NCOA1: variants seen among roughly 807,000 people sequenced by gnomAD.
The protein encoded by NCOA1 is Hin-2 protein.
A neutral mutation model predicts 150.9 loss-of-function variants in NCOA1; 35 were observed. The ratio of observed to expected loss-of-function variants is 0.23; its 90% CI spans 0.18 to 0.31. The LOEUF (loss-of-function observed/expected upper bound fraction) is 0.31. Ranked by LOEUF, NCOA1 falls within the 10% of genes least tolerant of loss-of-function variation. NCOA1 has a pLI of 1.00. For missense variants in NCOA1, 1,491 were observed against 1,749.3 expected (o/e 0.85, Z 2.63); for synonymous variants, 590 against 630.0 (o/e 0.94, Z 0.95).
At chr2:24,733,132 G>A (rs572445990) in intron 17 of NCOA1, among the ~76,000 whole-genome samples, 12 of 152,202 alleles carry the variant, frequency 7.9e-5, no homozygotes, top group East Asian at 1.9e-4. Flanking sequence ...AAATGGCTGC[G>A]GGTTGGCAAT....
intron 4 of NCOA1, among the ~76,000 whole-genome samples, chr2:24,646,044 C>A (rs1265809867): frequency 6.6e-6 from 1 of 152,092 alleles, no homozygotes; most frequent in Non-Finnish European, 1.5e-5. Context: ...TGAACATTAG[C>A]TTGGTGTCTG....
At chr2:24,635,147 G>T (rs976359012) in intron 3 of NCOA1, among the ~76,000 whole-genome samples, 2 of 151,994 alleles carry the variant, frequency 1.3e-5, no homozygotes, top group Admixed American at 6.6e-5. Flanking sequence ...AACATCAGAT[G>T]ATCTGCATCA....
chr2:24,683,179 C>T, intron 8 of NCOA1, 51 bp downstream of exon 8: 2 of 1,144,394 alleles, frequency 1.7e-6, no homozygotes, highest in Non-Finnish European at 2.4e-6. Context: ...GTATCTTCTC[C>T]TTATATAATA....
At chr2:24,590,519 G>T (rs572467768) in intron 3 of NCOA1, among the ~76,000 whole-genome samples, 20 of 152,068 alleles carry the variant, frequency 1.3e-4, no homozygotes, top group African/African-American at 4.1e-4. Context: ...TATCAATAAG[G>T]TTTTATAAAA....
chr2:24,637,706 G>GT (rs111849898), intron 3 of NCOA1, among the ~76,000 whole-genome samples: 28 of 151,892 alleles, frequency 1.8e-4, no homozygotes, highest in Middle Eastern at 3.4e-3. Flanking sequence ...GTTTTGTTTT[G>GT]TTTTTTGAGA....
At chr2:24,505,272 C>T (rs11682506) in intron 1 of NCOA1, among the ~76,000 whole-genome samples, 23,415 of 151,726 alleles carry the variant, frequency 0.15, 2,095 homozygotes, top group Non-Finnish European at 0.2. Flanking sequence ...CCGCAACCTC[C>T]GCCTCCTGGG....
intron 1 of NCOA1, among the ~76,000 whole-genome samples, chr2:24,548,043 G>C (rs1394741199): frequency 6.8e-6 from 1 of 148,124 alleles, no homozygotes; most frequent in Non-Finnish European, 1.5e-5. Flanking sequence ...GCTATGAAAT[G>C]AGTGCTAAGA....
intron 8 of NCOA1, among the ~76,000 whole-genome samples, chr2:24,685,168 G>T (rs374259931): frequency 2.0e-5 from 3 of 151,686 alleles, no homozygotes; most frequent in South Asian, 2.1e-4. Flanking sequence ...CTTATTTTTT[G>T]ATTTGTTCTT....
intron 1 of NCOA1, among the ~76,000 whole-genome samples, chr2:24,545,778 G>C (rs1665582235): frequency 6.6e-6 from 1 of 152,104 alleles, no homozygotes; most frequent in African/African-American, 2.4e-5. Context: ...TATTTATTCT[G>C]TGTTTTTATT....
At chr2:24,730,489 GT>G (rs1662948375) in intron 17 of NCOA1, among the ~76,000 whole-genome samples, 1 of 152,140 alleles carries the variant, frequency 6.6e-6, no homozygotes, top group Admixed American at 6.5e-5. Flanking sequence ...AAGAGATACT[GT>G]TTATGATTAT....
At chr2:24,540,848 A>T (rs144692489) in intron 1 of NCOA1, among the ~76,000 whole-genome samples, 14 of 152,332 alleles carry the variant, frequency 9.2e-5, no homozygotes, top group African/African-American at 2.6e-4. Context: ...GATGTTAAAT[A>T]TGTAGAATTA....
At position 24,491,308 on chromosome 2, in the gene NCOA1, T is replaced by C. The variant is rs1271263674; in HGVS notation, c.-690T>C. Among the ~76,000 whole-genome samples, 1 of 146,244 alleles carries C rather than the reference T, an allele frequency of 6.8e-6. No homozygotes were observed. Among genetic ancestry groups the C allele is most frequent in the Non-Finnish European group, 1.5e-5 (1 of 66,004 alleles). The stretch of plus-strand genomic sequence containing the variant: ...TGGCGGCCGCGGAGAGCGGCTGAAA[T>C]GCCTGTTCTTCAGGCCGGGCGAGCG... On this transcript the variant is annotated 5_prime_UTR_variant, in exon 1 of 23. It removes an upstream start codon present in the reference 5' UTR. Coordinates refer to ENST00000348332, the MANE Select transcript of NCOA1 (RefSeq NM_003743.5).
chr2:24,713,964 G>A (rs1365176799), intron 14 of NCOA1, among the ~76,000 whole-genome samples: 3 of 152,248 alleles, frequency 2.0e-5, no homozygotes, highest in African/African-American at 4.8e-5. Context: ...TGTATTCAAC[G>A]ATACTCCATC....
chr2:24,691,601 A>G lies in NCOA1; in HGVS notation c.653A>G (p.Tyr218Cys), dbSNP rs1434911760. ...GAGAACCAAGAAGCTTGCCAGCGTTATGAAGTAATGCAGTGTTTCACTGTG... is the reference window on the plus strand; with the variant it reads ...GAGAACCAAGAAGCTTGCCAGCGTTGTGAAGTAATGCAGTGTTTCACTGTG... ...GTENQEACQR[Y>C]EVMQCFTVSQ... Residue 218 changes from tyrosine (Y) to cysteine (C), a missense_variant, in exon 9 of 23, where the codon TAT (tyrosine) becomes TGT (cysteine). Physicochemically the swap from Tyr to Cys is radical, Grantham distance 194. Transcript: ENST00000348332. 6.2e-7 allele frequency: 1 copy of G among 1,614,102 alleles called. No individual in the cohort carries two copies. Among genetic ancestry groups the G allele is most frequent in the Non-Finnish European group, 8.5e-7 (1 of 1,180,030 alleles).
intron 6 of NCOA1, among the ~76,000 whole-genome samples, chr2:24,670,935 A>T (rs1247307079): frequency 6.6e-6 from 1 of 152,212 alleles, no homozygotes; most frequent in Non-Finnish European, 1.5e-5. Flanking sequence ...TTCAGTGAGG[A>T]TGCAGAAGAG....
intron 1 of NCOA1, among the ~76,000 whole-genome samples, chr2:24,555,562 T>C (rs553278823): frequency 6.6e-6 from 1 of 152,370 alleles, no homozygotes; most frequent in East Asian, 1.9e-4. Context: ...TTCATATCGA[T>C]AACTGTAATT....
intron 3 of NCOA1, among the ~76,000 whole-genome samples, chr2:24,613,182 ACTT>A (rs1373428770): frequency 2.0e-5 from 3 of 151,658 alleles, no homozygotes; most frequent in Non-Finnish European, 4.4e-5. Context: ...TAGCCTATGT[ACTT>A]CTTTGGGCAG....
intron 8 of NCOA1, among the ~76,000 whole-genome samples, chr2:24,685,824 C>T (rs1410914031): frequency 1.3e-5 from 2 of 152,248 alleles, no homozygotes; most frequent in African/African-American, 4.8e-5. Flanking sequence ...GATAGATCTA[C>T]AATTATTATT....
intron 19 of NCOA1, among the ~76,000 whole-genome samples, chr2:24,747,327 C>CTTTTTTTTTTTTTTTTTTTTTCTT (rs148901218): frequency 3.3e-5 from 4 of 120,164 alleles, no homozygotes; most frequent in Non-Finnish European, 5.2e-5. Context: ...TTATTTTTCT[C>CTTTTTTTTTTTTTTTTTTTTTCTT]TTTTTTTTTT....
Sources: gnomAD v4.1 joint callset for allele counts (sites outside exome capture counted in the v4.1 genomes callset) on GRCh38, gnomAD v4.1.1 for gene constraint, MANE v1.5 for transcripts, NCBI Gene and HGNC (gene_info 2026-07-23, HGNC 2026-07-21) for gene names.